Variants in PTPN14 observed in about 807,000 individuals in gnomAD.
The protein encoded by PTPN14 is tyrosine-protein phosphatase non-receptor type 14.
Under a neutral mutation model 126.8 loss-of-function variants are expected in PTPN14, and 53 were observed. The ratio of observed to expected loss-of-function variants is 0.42; its 90% CI spans 0.34 to 0.53. The LOEUF is 0.53. PTPN14 is among the 20% of genes least tolerant of loss of function. The pLI, the probability that PTPN14 is intolerant of heterozygous loss-of-function variation, is 0.08. For synonymous variants in PTPN14, 630 were observed against 599.3 expected, an observed-to-expected ratio of 1.05 and a Z score of -0.75; for missense variants, 1,257 against 1,552.9, an observed-to-expected ratio of 0.81 and a Z score of 3.20.
intron 7 of PTPN14, among the ~76,000 whole-genome samples, chr1:214,399,689 G>C (rs965770958): frequency 2.0e-5 from 3 of 152,028 alleles, no homozygotes; most frequent in Non-Finnish European, 4.4e-5. Context: ...ATATTTTCTC[G>C]AATAATTACC....
At chr1:214,392,653 C>T (rs1013050186) in intron 10 of PTPN14, among the ~76,000 whole-genome samples, 1 of 152,254 alleles carries the variant, frequency 6.6e-6, no homozygotes, top group African/African-American at 2.4e-5. Context: ...CTAGAAGAAA[C>T]GTACAGCCGC....
chr1:214,514,583 TC>T (rs11290113), intron 1 of PTPN14, among the ~76,000 whole-genome samples: 55,647 of 151,690 alleles, frequency 0.37, 14,591 homozygotes, highest in African/African-American at 0.73. Context: ...GAGCCTGGGG[TC>T]CCCCCTCGAT....
chr1:214,367,362 T>C (rs1178955596), intron 17 of PTPN14, among the ~76,000 whole-genome samples: 1 of 152,214 alleles, frequency 6.6e-6, no homozygotes, highest in East Asian at 1.9e-4. Flanking sequence ...CTCTCTGCTT[T>C]CAGTGCCAAA....
intron 2 of PTPN14, among the ~76,000 whole-genome samples, chr1:214,464,370 C>G (rs1660579575): frequency 6.6e-6 from 1 of 152,084 alleles, no homozygotes; most frequent in Non-Finnish European, 1.5e-5. Flanking sequence ...TTCAACTCCC[C>G]CAAAACCTCT....
At chr1:214,380,142 C>CA (rs1553260063) in intron 13 of PTPN14, among the ~76,000 whole-genome samples, 1 of 151,506 alleles carries the variant, frequency 6.6e-6, no homozygotes, top group Non-Finnish European at 1.5e-5. Context: ...GTTTTTCTTT[C>CA]TTTTTTTTTA....
intron 1 of PTPN14, among the ~76,000 whole-genome samples, chr1:214,497,122 G>A (rs189737384): frequency 1.9e-3 from 291 of 151,924 alleles, no homozygotes; most frequent in Non-Finnish European, 3.4e-3. Context: ...GGCAGCGGTG[G>A]GGGGTCGGGG....
intron 3 of PTPN14, among the ~76,000 whole-genome samples, chr1:214,415,581 CT>C (rs1659407781): frequency 6.6e-6 from 1 of 152,224 alleles, no homozygotes; most frequent in African/African-American, 2.4e-5. Context: ...TTTAACTTCA[CT>C]TTGGCATCTC....
At chr1:214,461,888 T>G (rs963721966) in intron 2 of PTPN14, among the ~76,000 whole-genome samples, 1 of 152,198 alleles carries the variant, frequency 6.6e-6, no homozygotes, top group Non-Finnish European at 1.5e-5. Context: ...CGGCTCTATT[T>G]GAAAAATGAC....
At chr1:214,438,660 A>C (rs1659973124) in intron 3 of PTPN14, among the ~76,000 whole-genome samples, 1 of 152,082 alleles carries the variant, frequency 6.6e-6, no homozygotes, top group African/African-American at 2.4e-5. Flanking sequence ...TAATGTACGA[A>C]GCCTCACAGT....
intron 15 of PTPN14, among the ~76,000 whole-genome samples, chr1:214,374,516 TA>T (rs140281040): frequency 6.6e-6 from 1 of 152,316 alleles, no homozygotes; most frequent in African/African-American, 2.4e-5. Flanking sequence ...AAAACTGCAT[TA>T]AAAACACAAC....
At chr1:214,372,417 T>C (rs72757957) in intron 16 of PTPN14, 2 of 337,884 alleles carry the variant, frequency 5.9e-6, no homozygotes, top group African/African-American at 2.2e-5. Context: ...CTAAAGTCTG[T>C]CATTTTTGGT....
intron 8 of PTPN14, among the ~76,000 whole-genome samples, chr1:214,396,003 T>C (rs2102556254): frequency 6.6e-6 from 1 of 152,186 alleles, no homozygotes; most frequent in Non-Finnish European, 1.5e-5. Context: ...TGTGATGAGA[T>C]CTCTGATGAG....
rs1379299602 is a variant in PTPN14, at chr1:214,448,355, C to T, written c.344+3450G>A. On this transcript the variant is annotated intron_variant, in intron 3 of 18. Coordinates refer to ENST00000366956, the MANE Select transcript of PTPN14 (RefSeq NM_005401.5). Reference sequence around the variant, plus strand: ...ACGCCATTCTCCTGCCTCAGACTCCCGCGTAGCTGGGACTACAGGTGCCCC... The same window carrying T: ...ACGCCATTCTCCTGCCTCAGACTCCTGCGTAGCTGGGACTACAGGTGCCCC... 5.9e-5 allele frequency among the ~76,000 whole-genome samples: 9 copies of T among 152,134 alleles called. No individual in the cohort carries two copies. In the East Asian group the frequency reaches 9.7e-4, roughly 16 times the overall value.
chr1:214,392,205 A>C (rs764331032), intron 10 of PTPN14, among the ~76,000 whole-genome samples: 13 of 152,130 alleles, frequency 8.5e-5, no homozygotes, highest in African/African-American at 2.2e-4. Flanking sequence ...AGAGAGAGAG[A>C]GAGCGAGAGA....
At chr1:214,438,002 C>T (rs958355784) in intron 3 of PTPN14, among the ~76,000 whole-genome samples, 4 of 152,196 alleles carry the variant, frequency 2.6e-5, no homozygotes, top group African/African-American at 9.7e-5. Flanking sequence ...AATACTGATG[C>T]ACGTAGTGTG....
intron 3 of PTPN14, among the ~76,000 whole-genome samples, chr1:214,425,727 A>T (rs1392450584): frequency 6.6e-6 from 1 of 152,228 alleles, no homozygotes; most frequent in African/African-American, 2.4e-5. Flanking sequence ...CCACAATTGG[A>T]ATTTTTATCA....
chr1:214,533,081 C>A (rs760215127), intron 1 of PTPN14: 6 of 736,584 alleles, frequency 8.1e-6, no homozygotes, highest in Admixed American at 1.8e-5. Flanking sequence ...CTGGGACGTA[C>A]GGTCCAGTCC....
chr1:214,396,819 T>C (rs545610321), intron 8 of PTPN14, among the ~76,000 whole-genome samples: 12 of 152,348 alleles, frequency 7.9e-5, no homozygotes, highest in East Asian at 5.8e-4. Flanking sequence ...GATTTAACTA[T>C]GAAGAACTGG....
intron 1 of PTPN14, chr1:214,530,058 CA>C (rs1458101556): frequency 6.6e-6 from 1 of 152,116 alleles, no homozygotes; most frequent in Non-Finnish European, 1.5e-5. Flanking sequence ...TATGTTAAAA[CA>C]GACTAATAGT....
Sources: gnomAD v4.1 joint callset for allele counts (sites outside exome capture counted in the v4.1 genomes callset) on GRCh38, gnomAD v4.1.1 for gene constraint, MANE v1.5 for transcripts, NCBI Gene and HGNC (gene_info 2026-07-23, HGNC 2026-07-21) for gene names.